IER5: variants seen among roughly 807,000 people sequenced by gnomAD.
The protein encoded by IER5 is immediate early response 5, also known as immediate early response gene 5 protein.
In IER5, 3 loss-of-function variants were observed where a neutral mutation model predicts 8.2. The ratio of observed to expected loss-of-function variants is 0.36; its 90% CI spans 0.17 to 0.94. The LOEUF is 0.94. Among genes scored for constraint, IER5 ranks in the 40% least tolerant of loss-of-function variants. IER5 has a pLI of 0.43. For synonymous variants in IER5, 286 were observed against 230.1 expected, an observed-to-expected ratio of 1.24 and a Z score of -2.20; for missense variants, 531 against 494.3, an observed-to-expected ratio of 1.07 and a Z score of -0.70.
In IER5 at chr1:181,092,378, C is replaced by CT. The variant is rs1387662530; in HGVS notation, c.*2498dup. On this transcript the variant is annotated 3_prime_UTR_variant, in exon 1 of 1. Coordinates refer to ENST00000367577, the MANE Select transcript of IER5 (RefSeq NM_016545.5). ...TGTAGGAATTAGAAAAGATCATTCT[C>CT]TTTTTTGTTGCAGAAGCAGTATAGT... 1 of 151,510 alleles carries CT rather than the reference C, an allele frequency of 6.6e-6. No homozygotes were observed. Among genetic ancestry groups the CT allele is most frequent in the Non-Finnish European group, 1.5e-5 (1 of 67,930 alleles). 9.4% of individuals were successfully genotyped at this position (151,510 alleles called of 1,614,324 possible).
Position 181,088,909 on chromosome 1 carries a change from T to A in IER5, c.7T>A (p.Phe3Ile). 1 of 1,609,980 alleles carries A rather than the reference T, an allele frequency of 6.2e-7. No individual in the cohort carries two copies. The highest frequency in any genetic ancestry group is 8.5e-7 in the Non-Finnish European group (1 of 1,178,444). Residue 3 changes from phenylalanine to isoleucine, a missense_variant, in exon 1 of 1, where the codon TTC (phenylalanine) becomes ATC (isoleucine). Transcript: ENST00000367577. ME[F>I]KLEAHRIVSI... The stretch of plus-strand genomic sequence containing the variant: ...CCCTGTGCAGGGGAAGCAGATGGAG[T>A]TCAAGCTGGAGGCTCATCGCATCGT...
In IER5 at chr1:181,089,496, C is replaced by G. The variant is rs1350637706; in HGVS notation, c.594C>G (p.Cys198Trp). Residue 198 changes from cysteine to tryptophan, a missense_variant, in exon 1 of 1, where the codon TGC becomes TGG. Transcript: ENST00000367577. Reference protein sequence around the residue: ...TPAATPRAACCCAPQPAEDEP... With the variant: ...TPAATPRAACWCAPQPAEDEP... ...CCGCGACCCCCCGCGCTGCCTGCTG[C>G]TGCGCGCCGCAACCAGCGGAGGACG... The G allele has an allele frequency of 7.5e-7, 1 of 1,324,710 alleles. No homozygotes were observed. The highest frequency in any genetic ancestry group is 1.5e-5 in the African/African-American group (1 of 65,004). 82.1% of individuals were successfully genotyped at this position (1,324,710 alleles called of 1,614,324 possible). A position where few individuals can be genotyped will look rare whatever the true frequency, so the allele number is the denominator to read the frequency against.
rs1175308315 is a variant in IER5, at chr1:181,090,325, G to C, written c.*439G>C. ...GGGACTTTACACCTACCCCTCACCGGAAAGCTAGACCCGCTTCAGGGCCAG... is the reference window on the plus strand; with the variant it reads ...GGGACTTTACACCTACCCCTCACCGCAAAGCTAGACCCGCTTCAGGGCCAG... On this transcript the variant is annotated 3_prime_UTR_variant, in exon 1 of 1. Coordinates refer to ENST00000367577, the MANE Select transcript of IER5 (RefSeq NM_016545.5). The C allele has an allele frequency of 1.0e-5, 2 of 195,654 alleles. No individual in the cohort carries two copies. The allele number at this position is 195,654 out of a possible 1,614,324, so 12.1% of individuals were successfully genotyped here.
rs772357404 is a variant in IER5 at position 181,089,239 on chromosome 1, G to C, written c.337G>C (p.Val113Leu). Residue 113 changes from valine to leucine, a missense_variant, in exon 1 of 1, where the codon GTA becomes CTA. By Grantham distance (32) the Val-to-Leu change is conservative. Transcript: ENST00000367577. ...ERSSVSDAPRVGDEVPVATVT... is the reference protein window; with the variant it reads ...ERSSVSDAPRLGDEVPVATVT... The stretch of plus-strand genomic sequence containing the variant: ...CTCCTCCGTCTCAGACGCGCCGCGG[G>C]TAGGGGACGAGGTGCCGGTGGCCAC... 3.9e-6 allele frequency: 6 copies of C among 1,549,624 alleles called. No individual in the cohort carries two copies. The highest frequency in any genetic ancestry group is 5.2e-6 in the Non-Finnish European group (6 of 1,150,136).
At position 181,088,930 on chromosome 1, in the gene IER5, A is replaced by G; in HGVS notation, c.28A>G (p.Ile10Val). 6.2e-7 allele frequency: 1 copy of G among 1,613,396 alleles called. No homozygotes were observed. Residue 10 changes from isoleucine (I) to valine (V), a missense_variant, in exon 1 of 1, where the codon ATC becomes GTC. Transcript: ENST00000367577. MEFKLEAHR[I>V]VSISLGKIYN... ...GGAGTTCAAGCTGGAGGCTCATCGC[A>G]TCGTCAGCATCTCTCTGGGCAAGAT...
In IER5 at chr1:181,088,849, C is replaced by G; in HGVS notation, c.-54C>G. ...GACTTGTTTGCGCCTCCCGTTCCCT[C>G]CCAATTTCCAAACGTGTCACCCCGG... On this transcript the variant is annotated 5_prime_UTR_variant, in exon 1 of 1. Coordinates refer to ENST00000367577, the MANE Select transcript of IER5 (RefSeq NM_016545.5). The G allele has an allele frequency of 6.3e-7, 1 of 1,597,090 alleles. No homozygotes were observed. Among genetic ancestry groups the G allele is most frequent in the Non-Finnish European group, 8.5e-7 (1 of 1,171,152 alleles).
In IER5 at chr1:181,088,756, C is replaced by T. The variant is rs1659386887; in HGVS notation, c.-147C>T. 2 of 649,690 alleles carry T rather than the reference C, an allele frequency of 3.1e-6. No individual in the cohort carries two copies. Among genetic ancestry groups the T allele is most frequent in the African/African-American group, 1.9e-5 (1 of 53,334 alleles). 40.2% of individuals were successfully genotyped at this position (649,690 alleles called of 1,614,324 possible). A position where few individuals can be genotyped will look rare whatever the true frequency, so the allele number is the denominator to read the frequency against. On this transcript the variant is annotated 5_prime_UTR_variant, in exon 1 of 1. Coordinates refer to ENST00000367577, the MANE Select transcript of IER5 (RefSeq NM_016545.5). ...GTCTTGTTTGGAGAGGTTAGTAGAG[C>T]AGCGCGCGCGTCACCAGAGTCGTTT...
At position 181,089,567 on chromosome 1, in the gene IER5, C is replaced by T. The variant is rs1260761584; in HGVS notation, c.665C>T (p.Ala222Val). ...PAVCPRKRCA[A>V]GVGGGPAGCP... ...GTGTGCCCCAGGAAGCGCTGCGCGGCGGGGGTGGGCGGCGGCCCAGCGGGC... is the reference window on the plus strand; with the variant it reads ...GTGTGCCCCAGGAAGCGCTGCGCGGTGGGGGTGGGCGGCGGCCCAGCGGGC... Residue 222 changes from alanine to valine, a missense_variant, in exon 1 of 1, where the codon GCG becomes GTG. Physicochemically the swap from Ala to Val is moderately conservative, Grantham distance 64. Coordinates refer to ENST00000367577, the MANE Select transcript of IER5 (RefSeq NM_016545.5). 1.3e-6 allele frequency: 2 copies of T among 1,521,710 alleles called. No individual in the cohort carries two copies. Among genetic ancestry groups the T allele is most frequent in the Admixed American group, 2.2e-5 (1 of 45,308 alleles). 94.3% of individuals were successfully genotyped at this position (1,521,710 alleles called of 1,614,324 possible). A position where few individuals can be genotyped will look rare whatever the true frequency, so the allele number is the denominator to read the frequency against.
Position 181,088,793 on chromosome 1 carries a change from C to G in IER5, c.-110C>G. The G allele has an allele frequency of 6.9e-5, 41 of 591,594 alleles. No individual in the cohort carries two copies. The highest frequency in any genetic ancestry group is 9.7e-5 in the East Asian group (2 of 20,596). 36.6% of individuals were successfully genotyped at this position (591,594 alleles called of 1,614,324 possible). On this transcript the variant is annotated 5_prime_UTR_variant, in exon 1 of 1. Transcript: ENST00000367577. Reference sequence around the variant, plus strand: ...CACCAGAGTCGTTTCTCTTCGGAGTCTTAGGTGATCGAGGGTGTGCCCAGG... The same window carrying G: ...CACCAGAGTCGTTTCTCTTCGGAGTGTTAGGTGATCGAGGGTGTGCCCAGG...
Position 181,089,209 on chromosome 1 carries a change from G to T in IER5, c.307G>T (p.Glu103Ter). Reference protein sequence around the residue: ...ASWPETEPQPERSSVSDAPRV... With the variant: ...ASWPETEPQP ...TTGGCCGGAGACCGAGCCGCAGCCG[G>T]AGCGCTCCTCCGTCTCAGACGCGCC... Residue 103 changes from glutamate to a stop codon, truncating the protein, a stop_gained, in exon 1 of 1, where the codon GAG becomes TAG. Transcript: ENST00000367577. LOFTEE classifies it low-confidence loss of function (END_TRUNC). The T allele has an allele frequency of 6.5e-7, 1 of 1,537,098 alleles. No homozygotes were observed. The highest frequency in any genetic ancestry group is 8.7e-7 in the Non-Finnish European group (1 of 1,143,788).
At position 181,089,449 on chromosome 1, in the gene IER5, G is replaced by T; in HGVS notation, c.547G>T (p.Glu183Ter). 1 of 1,373,078 alleles carries T rather than the reference G, an allele frequency of 7.3e-7. No individual in the cohort carries two copies. The highest frequency in any genetic ancestry group is 1.6e-5 in the South Asian group (1 of 60,894). The allele number at this position is 1,373,078 out of a possible 1,614,324, so 85.1% of individuals were successfully genotyped here. ...CCCCTGCGGCTGCCCCCTAGGCGGG[G>T]AGGACCCGCCGGGTACACCGGCCGC... Reference protein sequence around the residue: ...RRPCGCPLGGEDPPGTPAATP... With the variant: ...RRPCGCPLGG The change falls in exon 1 of 1, where the codon GAG becomes TAG. Residue 183 changes from glutamate (E) to a stop codon, truncating the protein, a stop_gained. Transcript: ENST00000367577. LOFTEE classifies it high-confidence loss of function.
In IER5 at chr1:181,089,080, C is replaced by T. The variant is rs1381253844; in HGVS notation, c.178C>T (p.Pro60Ser). 6.5e-7 allele frequency: 1 copy of T among 1,544,494 alleles called. No individual in the cohort carries two copies. Among genetic ancestry groups the T allele is most frequent in the Non-Finnish European group, 8.7e-7 (1 of 1,148,808 alleles). The change falls in exon 1 of 1, where the codon CCC becomes TCC. Residue 60 changes from proline to serine, a missense_variant. Physicochemically the swap from Pro to Ser is moderately conservative, Grantham distance 74 (BLOSUM62 -1). Coordinates refer to ENST00000367577, the MANE Select transcript of IER5 (RefSeq NM_016545.5). The stretch of plus-strand genomic sequence containing the variant: ...GTGCCCCGGCCTCTACCTGGCCGGT[C>T]CCGCTGGGACCCCGGCGCCGCCACC... The part of the protein sequence containing the change: ...DPCPGLYLAG[P>S]AGTPAPPPQQ...
Position 181,092,539 on chromosome 1 carries a change from A to G in IER5, c.*2653A>G, listed in dbSNP as rs913303331. ...CGTCTTGAACTCCTGGCCTCAAGCA[A>G]TCCTCCTGCCTCAGCCTCCCAAAGT... On this transcript the variant is annotated 3_prime_UTR_variant, in exon 1 of 1. Coordinates refer to ENST00000367577, the MANE Select transcript of IER5 (RefSeq NM_016545.5). 1.3e-5 allele frequency: 2 copies of G among 152,126 alleles called. No individual in the cohort carries two copies. Among genetic ancestry groups the G allele is most frequent in the African/African-American group, 2.4e-5 (1 of 41,406 alleles). The allele number at this position is 152,126 out of a possible 1,614,324, so 9.4% of individuals were successfully genotyped here.
rs1267626624 is a variant in IER5, at chr1:181,089,462, G to C, written c.560G>C (p.Gly187Ala). 7.4e-7 allele frequency: 1 copy of C among 1,358,290 alleles called. No individual in the cohort carries two copies. The allele number at this position is 1,358,290 out of a possible 1,614,324, so 84.1% of individuals were successfully genotyped here. A position where few individuals can be genotyped will look rare whatever the true frequency, so the allele number is the denominator to read the frequency against. ...GCPLGGEDPP[G>A]TPAATPRAAC... is the part of the protein sequence containing the mutation. ...CCCCTAGGCGGGGAGGACCCGCCGGGTACACCGGCCGCGACCCCCCGCGCT... is the reference window on the plus strand; with the variant it reads ...CCCCTAGGCGGGGAGGACCCGCCGGCTACACCGGCCGCGACCCCCCGCGCT... The change falls in exon 1 of 1, where the codon GGT (glycine) becomes GCT (alanine). Residue 187 changes from glycine to alanine, a missense_variant. Physicochemically the swap from Gly to Ala is moderately conservative, Grantham distance 60. Coordinates refer to ENST00000367577, the MANE Select transcript of IER5 (RefSeq NM_016545.5).
Position 181,091,463 on chromosome 1 carries a change from G to A in IER5, c.*1577G>A, listed in dbSNP as rs549508893. The A allele has an allele frequency of 6.6e-6, 1 of 152,342 alleles. No homozygotes were observed. Among genetic ancestry groups the A allele is most frequent in the East Asian group, 1.9e-4 (1 of 5,188 alleles). The allele number at this position is 152,342 out of a possible 1,614,324, so 9.4% of individuals were successfully genotyped here. A position where few individuals can be genotyped will look rare whatever the true frequency, so the allele number is the denominator to read the frequency against. On this transcript the variant is annotated 3_prime_UTR_variant, in exon 1 of 1. Coordinates refer to ENST00000367577, the MANE Select transcript of IER5 (RefSeq NM_016545.5). ...TGTTTGCATCAAACCAGATAAGGAA[G>A]GAGGGCTAGGCAAATTTAGTTCTCA...
In IER5 at chr1:181,088,707, G is replaced by A. The variant is rs550354919; in HGVS notation, c.-196G>A. 5 of 564,566 alleles carry A rather than the reference G, an allele frequency of 8.9e-6. No individual in the cohort carries two copies. The highest frequency in any genetic ancestry group is 3.9e-5 in the African/African-American group (2 of 51,104). 35.0% of individuals were successfully genotyped at this position (564,566 alleles called of 1,614,324 possible). A position where few individuals can be genotyped will look rare whatever the true frequency, so the allele number is the denominator to read the frequency against. ...GGGCAGCCAGGCTGCCCTGTTTAGC[G>A]ACCGGACCCGAAACGGGGAAGTTGT... On this transcript the variant is annotated 5_prime_UTR_variant, in exon 1 of 1. Transcript: ENST00000367577.
Position 181,089,972 on chromosome 1 carries a change from AGAGACCGCGG to A in IER5, c.*88_*97del. On this transcript the variant is annotated 3_prime_UTR_variant, in exon 1 of 1. Transcript: ENST00000367577. The stretch of plus-strand genomic sequence containing the variant: ...GCCCTTCCCGGCTGCGAGGACGCCC[AGAGACCGCGG>A]GCGCTGAGCGCGTTGGGCAGACTGG... 6.6e-7 allele frequency: 1 copy of A among 1,521,282 alleles called. No individual in the cohort carries two copies. The highest frequency in any genetic ancestry group is 8.8e-7 in the Non-Finnish European group (1 of 1,132,750). The allele number at this position is 1,521,282 out of a possible 1,614,324, so 94.2% of individuals were successfully genotyped here.
chr1:181,088,729 T>C lies in IER5; in HGVS notation c.-174T>C. On this transcript the variant is annotated 5_prime_UTR_variant, in exon 1 of 1. Coordinates refer to ENST00000367577, the MANE Select transcript of IER5 (RefSeq NM_016545.5). ...AGCGACCGGACCCGAAACGGGGAAG[T>C]TGTCTTGTTTGGAGAGGTTAGTAGA... 3.3e-6 allele frequency: 2 copies of C among 601,314 alleles called. No individual in the cohort carries two copies. The highest frequency in any genetic ancestry group is 5.5e-6 in the Non-Finnish European group (2 of 363,354). The allele number at this position is 601,314 out of a possible 1,614,324, so 37.2% of individuals were successfully genotyped here. A position where few individuals can be genotyped will look rare whatever the true frequency, so the allele number is the denominator to read the frequency against.
Position 181,088,805 on chromosome 1 carries a change from A to C in IER5, c.-98A>C. The C allele has an allele frequency of 3.3e-6, 3 of 897,274 alleles. No homozygotes were observed. Among genetic ancestry groups the C allele is most frequent in the Non-Finnish European group, 5.0e-6 (3 of 594,410 alleles). 55.6% of individuals were successfully genotyped at this position (897,274 alleles called of 1,614,324 possible). On this transcript the variant is annotated 5_prime_UTR_variant, in exon 1 of 1. Coordinates refer to ENST00000367577, the MANE Select transcript of IER5 (RefSeq NM_016545.5). ...TTCTCTTCGGAGTCTTAGGTGATCGAGGGTGTGCCCAGGGGGCGGACTTGT... is the reference window on the plus strand; with the variant it reads ...TTCTCTTCGGAGTCTTAGGTGATCGCGGGTGTGCCCAGGGGGCGGACTTGT...
Sources: gnomAD v4.1 joint callset for allele counts on GRCh38, gnomAD v4.1.1 for gene constraint, MANE v1.5 for transcripts, NCBI Gene and HGNC (gene_info 2026-07-23, HGNC 2026-07-21) for gene names.